GAS7: variants seen among roughly 807,000 people sequenced by gnomAD.
The protein encoded by GAS7 is growth arrest specific 7, also known as growth arrest-specific protein 7.
GAS7 carries 28 observed loss-of-function variants against 71.1 expected under a neutral mutation model. The ratio of observed to expected loss-of-function variants is 0.39; its 90% confidence interval spans 0.29 to 0.54. GAS7 has a LOEUF of 0.54. GAS7 is among the 20% of genes least tolerant of loss of function. The pLI, the probability that GAS7 is intolerant of heterozygous loss-of-function variation, is 0.62. For synonymous variants in GAS7, 258 were observed against 245.8 expected (o/e 1.05, Z -0.46); for missense variants, 436 against 627.8 (o/e 0.69, Z 3.27).
chr17:10,142,338 T>C (rs1214294529), intron 1 of GAS7, among the ~76,000 whole-genome samples: 2 of 152,184 alleles, frequency 1.3e-5, no homozygotes, highest in South Asian at 2.1e-4. Flanking sequence ...AAACTGATCA[T>C]ATAGTAAATA....
At chr17:10,158,146 G>T (rs1421623382) in intron 1 of GAS7, among the ~76,000 whole-genome samples, 1 of 152,028 alleles carries the variant, frequency 6.6e-6, no homozygotes, top group Non-Finnish European at 1.5e-5. Flanking sequence ...TAGTAGCTGG[G>T]TCTACAGGCG....
rs1176779246 is a variant in GAS7, at chr17:9,926,922, G to A, written c.886-153C>T. On this transcript the variant is annotated intron_variant, in intron 9 of 13. Transcript: ENST00000432992. This position sits in a 1 kb window ranked among gnomAD's most constrained non-coding sequence, Gnocchi z 5.0. Reference sequence around the variant, plus strand: ...GGCAGGAAGGTGAGAGACACCCCCTGACACGTGGCTGCCTATCAGGTCTCA... The same window carrying A: ...GGCAGGAAGGTGAGAGACACCCCCTAACACGTGGCTGCCTATCAGGTCTCA... 1 of 728,456 alleles carries A rather than the reference G, an allele frequency of 1.4e-6. No individual in the cohort carries two copies. The highest frequency in any genetic ancestry group is 2.4e-6 in the Non-Finnish European group (1 of 423,974). The allele number at this position is 728,456 out of a possible 1,614,324, so 45.1% of individuals were successfully genotyped here. A position where few individuals can be genotyped will look rare whatever the true frequency, so the allele number is the denominator to read the frequency against.
chr17:10,025,700 C>A (rs1193658161), intron 1 of GAS7, among the ~76,000 whole-genome samples: 1 of 152,112 alleles, frequency 6.6e-6, no homozygotes, highest in Non-Finnish European at 1.5e-5. Context: ...CAGCAGTCAC[C>A]TGGGATGTGA....
At chr17:10,193,520 G>T (rs920267502) in intron 1 of GAS7, among the ~76,000 whole-genome samples, 5 of 152,152 alleles carry the variant, frequency 3.3e-5, no homozygotes, top group Admixed American at 2.0e-4. Flanking sequence ...GGACAGACCT[G>T]TGACTACTTT....
intron 1 of GAS7, among the ~76,000 whole-genome samples, chr17:10,086,684 C>T (rs990849460): frequency 2.0e-5 from 3 of 152,196 alleles, no homozygotes; most frequent in African/African-American, 7.2e-5. Flanking sequence ...ATTAATACAC[C>T]TTGAAGGGTG....
In GAS7 at chr17:9,910,731, CA is replaced by C. The variant is rs151048795; in HGVS notation, c.*6496del. On this transcript the variant is annotated 3_prime_UTR_variant, in exon 14 of 14. Transcript: ENST00000432992. ...TACACACAAATGCGGTAACAGGGGTCAGGGGGGTGGTGCGGGGGCAGGTGGG... is the reference window on the plus strand; with the variant it reads ...TACACACAAATGCGGTAACAGGGGTCGGGGGGTGGTGCGGGGGCAGGTGGG... The C allele has an allele frequency of 0.013, 2,822 of 220,404 alleles. 129 individuals carry two copies. Among genetic ancestry groups the C allele is most frequent in the East Asian group, 0.11 (1,708 of 14,898 alleles). The allele number at this position is 220,404 out of a possible 1,614,324, so 13.7% of individuals were successfully genotyped here.
In GAS7 at chr17:10,177,967, A is replaced by C. The variant is rs1476809402; in HGVS notation, c.183+20241T>G. On this transcript the variant is annotated intron_variant, in intron 1 of 13. Coordinates refer to ENST00000432992, the MANE Select transcript of GAS7 (RefSeq NM_201433.2). ...GCCGCATTAGGTCAGCACTGGCGCCATTAGGCACCTCCGAGAGCAAAGCTG... is the reference window on the plus strand; with the variant it reads ...GCCGCATTAGGTCAGCACTGGCGCCCTTAGGCACCTCCGAGAGCAAAGCTG... Among the ~76,000 whole-genome samples the C allele has an allele frequency of 2.6e-5, 4 of 152,268 alleles. No individual in the cohort carries two copies. In the South Asian group the frequency reaches 6.2e-4, roughly 24 times the overall value.
At chr17:10,167,183 G>A (rs997168224) in intron 1 of GAS7, among the ~76,000 whole-genome samples, 3 of 149,700 alleles carry the variant, frequency 2.0e-5, no homozygotes, top group Non-Finnish European at 4.4e-5. Context: ...TCAGCCTCCC[G>A]AGTAGCTGGG....
At chr17:10,126,875 G>A (rs1330236341) in intron 1 of GAS7, among the ~76,000 whole-genome samples, 1 of 152,188 alleles carries the variant, frequency 6.6e-6, no homozygotes. Flanking sequence ...CGCTTAAGCT[G>A]TGTGACCTTT....
At chr17:10,150,561 T>A (rs2074157153) in intron 1 of GAS7, among the ~76,000 whole-genome samples, 1 of 151,006 alleles carries the variant, frequency 6.6e-6, no homozygotes, top group South Asian at 2.1e-4. Flanking sequence ...ATTGGAGTCA[T>A]CTGGACTCAG....
intron 1 of GAS7, among the ~76,000 whole-genome samples, chr17:10,120,460 C>T (rs902210061): frequency 1.3e-5 from 2 of 152,148 alleles, no homozygotes; most frequent in East Asian, 3.9e-4. Flanking sequence ...TTCTCAAAAG[C>T]ACAGTGAAGG....
chr17:9,943,185 G>A lies in GAS7; in HGVS notation c.667C>T (p.Leu223=). Residue 223 remains leucine (L), a synonymous_variant, in exon 7 of 14, where the codon CTG becomes TTG. Coordinates refer to ENST00000432992, the MANE Select transcript of GAS7 (RefSeq NM_201433.2). ...TTGCCCTTCAGCTGTTTCTGGAGCA[G>A]TAGTTCAAACCCAGCCACGGTGCCG... ...GNGTVAGFEL[L]LQKQLKGKQM... 6.2e-7 allele frequency: 1 copy of A among 1,613,706 alleles called. No homozygotes were observed. Among genetic ancestry groups the A allele is most frequent in the Non-Finnish European group, 8.5e-7 (1 of 1,179,610 alleles).
chr17:9,971,797 C>T (rs889984307), intron 3 of GAS7, among the ~76,000 whole-genome samples: 6 of 152,178 alleles, frequency 3.9e-5, no homozygotes, highest in African/African-American at 1.4e-4. Context: ...AACTCTATAG[C>T]GTGGCAGGAA....
chr17:10,140,799 C>T (rs532837259), intron 1 of GAS7, among the ~76,000 whole-genome samples: 5 of 152,226 alleles, frequency 3.3e-5, no homozygotes, highest in African/African-American at 1.2e-4. Flanking sequence ...AGTGGAAAGC[C>T]GTGGAGACTC....
chr17:10,047,710 AAAG>A (rs1212345210), intron 1 of GAS7, among the ~76,000 whole-genome samples: 1 of 152,210 alleles, frequency 6.6e-6, no homozygotes, highest in Non-Finnish European at 1.5e-5. Context: ...AAAGGATGAC[AAAG>A]AAGATAGTGG....
At chr17:10,112,371 G>A (rs1462043215) in intron 1 of GAS7, among the ~76,000 whole-genome samples, 1 of 152,214 alleles carries the variant, frequency 6.6e-6, no homozygotes, top group Admixed American at 6.5e-5. Flanking sequence ...GACTCAGGCA[G>A]GAGCAAGGTA....
intron 4 of GAS7, among the ~76,000 whole-genome samples, chr17:9,965,997 CTTT>C (rs1156705866): frequency 6.5e-5 from 8 of 122,926 alleles, no homozygotes; most frequent in Admixed American, 1.7e-4. Context: ...CCCCAAAATT[CTTT>C]TTTTTTTTTT....
chr17:9,949,283 A>G (rs76752671), intron 5 of GAS7, among the ~76,000 whole-genome samples: 4,221 of 152,284 alleles, frequency 0.028, 123 homozygotes, highest in East Asian at 0.071. Flanking sequence ...TGAGGAGTCC[A>G]GTGCTGACGG....
At chr17:9,957,003 A>C (rs1419957797) in intron 5 of GAS7, among the ~76,000 whole-genome samples, 1 of 152,230 alleles carries the variant, frequency 6.6e-6, no homozygotes, top group Non-Finnish European at 1.5e-5. Flanking sequence ...GGCCAAGGCC[A>C]GGTGGTACAC....
Sources: allele counts gnomAD v4.1 joint callset (sites outside exome capture counted in the v4.1 genomes callset), GRCh38; gene constraint gnomAD v4.1.1; non-coding constraint Gnocchi (gnomAD v3.1); transcripts MANE v1.5; gene names NCBI Gene and HGNC (gene_info 2026-07-23, HGNC 2026-07-21).